Variants in ATP1A3 observed in about 807,000 individuals in gnomAD.
ATP1A3 encodes the protein sodium/potassium-transporting ATPase subunit alpha-3.
In ATP1A3, 12 loss-of-function variants were observed where a neutral mutation model predicts 108.8. The observed-to-expected ratio is 0.11, with a 90% CI of 0.07 to 0.18. ATP1A3 has a LOEUF of 0.18. ATP1A3 is among the 10% of genes least tolerant of loss of function. The pLI is 1.00. For missense variants in ATP1A3, 498 were observed against 1,387.7 expected (o/e 0.36, Z 10.19); for synonymous variants, 539 against 564.5 (o/e 0.95, Z 0.64).
chr19:41,985,806 G>A lies in ATP1A3; in HGVS notation c.606+58C>T. 1 of 1,605,228 alleles carries A rather than the reference G, an allele frequency of 6.2e-7. No homozygotes were observed. The highest frequency in any genetic ancestry group is 8.5e-7 in the Non-Finnish European group (1 of 1,177,482). The stretch of plus-strand genomic sequence containing the variant: ...CTGAGTGTGAGGGAGGAGGGGCTGG[G>A]CCTGAGCTCCTGGGCAGCCCGAGGG... On this transcript the variant is annotated intron_variant, in intron 6 of 22. Coordinates refer to ENST00000648268, the MANE Select transcript of ATP1A3 (RefSeq NM_152296.5). This position sits in a 1 kb window ranked among gnomAD's most constrained non-coding sequence, Gnocchi z 8.2.
In ATP1A3 at chr19:41,976,366, G is replaced by A. The variant is rs782630840; in HGVS notation, c.2094+50C>T. 2.3e-5 allele frequency: 37 copies of A among 1,610,490 alleles called. No homozygotes were observed. The South Asian group carries it at 4.0e-4, about 17-fold the overall frequency. On this transcript the variant is annotated intron_variant, in intron 15 of 22. Coordinates refer to ENST00000648268, the MANE Select transcript of ATP1A3 (RefSeq NM_152296.5). ...GGAAACCAGGCCCCGGCCTCAGTGA[G>A]GACCCAGGAGTCAAGGCCCCGTCCC... is the stretch of plus-strand genomic sequence containing the variant.
At chr19:41,982,146 C>G in intron 8 of ATP1A3, 40 bp from the exon 9 acceptor site, 1 of 1,613,486 alleles carries the variant, frequency 6.2e-7, no homozygotes, top group Non-Finnish European at 8.5e-7. Context: ...CAGGGACAAG[C>G]CCGGCAGCAG....
intron 16 of ATP1A3, among the ~76,000 whole-genome samples, chr19:41,971,648 A>G (rs1555859902): frequency 6.6e-6 from 1 of 152,168 alleles, no homozygotes; most frequent in African/African-American, 2.4e-5. Context: ...ACACAAAAGC[A>G]TTCTTAGCAT....
intron 8 of ATP1A3, chr19:41,984,176 G>T (rs1231322560): frequency 6.6e-6 from 1 of 152,062 alleles, no homozygotes; most frequent in Non-Finnish European, 1.5e-5. Context: ...CAAACTGTTG[G>T]GATTAAAGGC....
Position 41,985,725 on chromosome 19 carries a change from G to T in ATP1A3, c.606+139C>A. ...CTAAACTCCTGGGTCTGAGGGAGGA[G>T]GGCCTGGGGGCCTGGACTCCTGGGT... On this transcript the variant is annotated intron_variant, in intron 6 of 22. Coordinates refer to ENST00000648268, the MANE Select transcript of ATP1A3 (RefSeq NM_152296.5). The surrounding 1 kb of genome is among the most constrained non-coding windows in gnomAD (Gnocchi z 8.2). 1 of 1,315,386 alleles carries T rather than the reference G, an allele frequency of 7.6e-7. No individual in the cohort carries two copies. Among genetic ancestry groups the T allele is most frequent in the Non-Finnish European group, 1.0e-6 (1 of 969,006 alleles). 81.5% of individuals were successfully genotyped at this position (1,315,386 alleles called of 1,614,324 possible).
Position 41,967,510 on chromosome 19 carries a change from G to T in ATP1A3, c.2921+152C>A. 4 of 1,134,314 alleles carry T rather than the reference G, an allele frequency of 3.5e-6. No homozygotes were observed. The highest frequency in any genetic ancestry group is 5.0e-6 in the Non-Finnish European group (4 of 795,302). The allele number at this position is 1,134,314 out of a possible 1,614,324, so 70.3% of individuals were successfully genotyped here. ...GGGGTCTTCGGAGTAATCCGTGGTG[G>T]GAGCAGCCTATGGGGGAGGCTCGGG... On this transcript the variant is annotated intron_variant, in intron 21 of 22. Transcript: ENST00000648268. The surrounding 1 kb of genome is among the most constrained non-coding windows in gnomAD (Gnocchi z 4.2).
chr19:41,985,083 G>C lies in ATP1A3; in HGVS notation c.828C>G (p.Ile276Met), dbSNP rs372952520. Residue 276 changes from isoleucine (I) to methionine (M), a missense_variant, in exon 8 of 23, where the codon ATC (isoleucine) becomes ATG (methionine). Physicochemically the swap from Ile to Met is conservative, Grantham distance 10 (BLOSUM62 1). Around this residue, in one of 9 missense-constraint regions of ATP1A3, gnomAD observed 127 missense variants for 464.0 expected, o/e 0.27. Coordinates refer to ENST00000648268, the MANE Select transcript of ATP1A3 (RefSeq NM_152296.5). The surrounding 1 kb of genome is among the most constrained non-coding windows in gnomAD (Gnocchi z 8.2). ...GLEVGKTPIA[I>M]EIEHFIQLIT... The stretch of plus-strand genomic sequence containing the variant: ...TGAGCTGGATGAAGTGCTCAATCTC[G>C]ATGGCGATGGGCGTCTTGCCCACCT... 6.2e-7 allele frequency: 1 copy of C among 1,613,888 alleles called. No homozygotes were observed. The highest frequency in any genetic ancestry group is 8.5e-7 in the Non-Finnish European group (1 of 1,179,900).
chr19:41,970,947 T>G (rs1392345791), intron 16 of ATP1A3, among the ~76,000 whole-genome samples: 2 of 150,944 alleles, frequency 1.3e-5, no homozygotes, highest in Non-Finnish European at 3.0e-5. Flanking sequence ...AGCGTCCTTT[T>G]CTACCCCCCA....
At chr19:41,993,540 CA>C in intron 1 of ATP1A3, 1 of 1,239,710 alleles carries the variant, frequency 8.1e-7, no homozygotes, top group Non-Finnish European at 1.1e-6. Flanking sequence ...CACACACACA[CA>C]CACACACACT....
chr19:41,987,765 C>A (rs1052195835), intron 4 of ATP1A3, among the ~76,000 whole-genome samples, 171 bp downstream of exon 4: 1 of 152,122 alleles, frequency 6.6e-6, no homozygotes, highest in South Asian at 2.1e-4. Context: ...CTTTTCTGAG[C>A]CTCAGTTTGC....
intron 11 of ATP1A3, among the ~76,000 whole-genome samples, chr19:41,979,980 C>A (rs2075212550): frequency 6.6e-6 from 1 of 152,228 alleles, no homozygotes; most frequent in South Asian, 2.1e-4. Context: ...TGGGGCCTGA[C>A]AGGATCTGGC....
intron 8 of ATP1A3, among the ~76,000 whole-genome samples, chr19:41,983,877 C>G (rs1327972300): frequency 6.8e-6 from 1 of 148,022 alleles, no homozygotes; most frequent in Non-Finnish European, 1.5e-5. Context: ...TAGGCTCAAG[C>G]TATTCTCCTG....
chr19:41,992,500 G>A, intron 1 of ATP1A3, among the ~76,000 whole-genome samples: 1 of 152,062 alleles, frequency 6.6e-6, no homozygotes, highest in East Asian at 1.9e-4. Context: ...CCCCCTCGCA[G>A]GGGACCTGGC....
Position 41,969,590 on chromosome 19 carries a change from G to A in ATP1A3, c.2543-10C>T. On this transcript the variant is annotated splice_polypyrimidine_tract_variant and intron_variant, in intron 18 of 22. Transcript: ENST00000648268. ...AGAGCCTGGATCATTCCTGGAAGGA[G>A]GAGAGAGGAAGCCGAGGAGAGGCTC... 1 of 1,613,556 alleles carries A rather than the reference G, an allele frequency of 6.2e-7. No individual in the cohort carries two copies. Among genetic ancestry groups the A allele is most frequent in the Non-Finnish European group, 8.5e-7 (1 of 1,180,020 alleles).
rs2075365915 is a variant in ATP1A3 at position 41,994,164 on chromosome 19, C to CAGCGCCCGCGCCTCGGT, written c.-105_-89dup. On this transcript the variant is annotated 5_prime_UTR_variant, in exon 1 of 23. Transcript: ENST00000648268. Reference sequence around the variant, plus strand: ...CTCAGGCTTGGGCTGGGAGCCTCTGCAGCGCCCGCGCCTCGGTAGGTGCGC... The same window carrying CAGCGCCCGCGCCTCGGT: ...CTCAGGCTTGGGCTGGGAGCCTCTGCAGCGCCCGCGCCTCGGTAGCGCCCGCGCCTCGGTAGGTGCGC... The CAGCGCCCGCGCCTCGGT allele has an allele frequency of 2.3e-6, 3 of 1,324,776 alleles. No homozygotes were observed. In the South Asian group the frequency reaches 4.5e-5, roughly 20 times the overall value. The allele number at this position is 1,324,776 out of a possible 1,614,324, so 82.1% of individuals were successfully genotyped here.
chr19:41,966,743 G>A lies in ATP1A3; in HGVS notation c.*194C>T. Reference sequence around the variant, plus strand: ...GAGAAACTGACACAGAAAAGAGAGAGGAGAGAGGTTTGGGGCAGGGGAGAG... The same window carrying A: ...GAGAAACTGACACAGAAAAGAGAGAAGAGAGAGGTTTGGGGCAGGGGAGAG... On this transcript the variant is annotated 3_prime_UTR_variant, in exon 23 of 23. Transcript: ENST00000648268. 1.3e-6 allele frequency: 2 copies of A among 1,535,522 alleles called. No individual in the cohort carries two copies. The highest frequency in any genetic ancestry group is 1.8e-6 in the Non-Finnish European group (2 of 1,137,072).
intron 14 of ATP1A3, among the ~76,000 whole-genome samples, chr19:41,977,210 CAG>C (rs1485916014): frequency 6.6e-6 from 1 of 151,914 alleles, no homozygotes; most frequent in African/African-American, 2.4e-5. Flanking sequence ...GTCAGAAAAA[CAG>C]AACAGAAAAG....
chr19:41,975,108 G>A (rs1189984476), intron 16 of ATP1A3, among the ~76,000 whole-genome samples: 1 of 151,456 alleles, frequency 6.6e-6, no homozygotes, highest in Non-Finnish European at 1.5e-5. Context: ...CTGGAGTGCT[G>A]TGGCGCAATC....
intron 11 of ATP1A3, among the ~76,000 whole-genome samples, chr19:41,980,096 A>T (rs1304967996): frequency 6.6e-6 from 1 of 152,190 alleles, no homozygotes. Flanking sequence ...GGGCCTTTGC[A>T]CAGGCTGTGC....
Sources: gnomAD v4.1 joint callset for allele counts (sites outside exome capture counted in the v4.1 genomes callset) on GRCh38, gnomAD v4.1.1 for gene constraint, gnomAD v4.1.1 regional missense constraint, Gnocchi (gnomAD v3.1) non-coding constraint, MANE v1.5 for transcripts, NCBI Gene and HGNC (gene_info 2026-07-23, HGNC 2026-07-21) for gene names.